The following PTPRM variants were observed in gnomAD, a reference collection of about 807,000 sequenced individuals.
The protein encoded by PTPRM is receptor-type tyrosine-protein phosphatase mu.
Under a neutral mutation model 186.7 loss-of-function variants are expected in PTPRM, and 47 were observed. The ratio of observed to expected loss-of-function variants is 0.25; its 90% CI spans 0.20 to 0.32. The LOEUF is 0.32. PTPRM is among the 10% of genes least tolerant of loss of function. The pLI, the probability that PTPRM is intolerant of heterozygous loss-of-function variation, is 1.00. For synonymous variants in PTPRM, 668 were observed against 674.9 expected (o/e 0.99, Z 0.16); for missense variants, 1,494 against 1,865.0 (o/e 0.80, Z 3.66).
Position 8,126,020 on chromosome 18 carries a change from TA to T in PTPRM, c.2167+11194del, listed in dbSNP as rs1386255677. Among the ~76,000 whole-genome samples, 390 of 41,796 alleles carry T rather than the reference TA, an allele frequency of 9.3e-3. 32 individuals carry two copies. The East Asian group carries it at 0.1, about 11-fold the overall frequency. The allele number at this position is 41,796 out of a possible 152,430, so 27.4% of individuals were successfully genotyped here. A position where few individuals can be genotyped will look rare whatever the true frequency, so the allele number is the denominator to read the frequency against. The stretch of plus-strand genomic sequence containing the variant: ...ATATATATATATATATATATATATA[TA>T]TATATATTTTAAATCAGTAGACCTT... On this transcript the variant is annotated intron_variant, in intron 13 of 32. Coordinates refer to ENST00000580170, the MANE Select transcript of PTPRM (RefSeq NM_001105244.2).
chr18:7,893,402 A>G (rs2049179117), intron 3 of PTPRM, among the ~76,000 whole-genome samples: 1 of 152,180 alleles, frequency 6.6e-6, no homozygotes, highest in South Asian at 2.1e-4. Flanking sequence ...CTCCTTTCCC[A>G]TTCTACTTGT....
chr18:8,150,283 A>T (rs1029453567), intron 14 of PTPRM, among the ~76,000 whole-genome samples: 1 of 152,220 alleles, frequency 6.6e-6, no homozygotes, highest in East Asian at 1.9e-4. Context: ...AGGTACACCA[A>T]TCAGACATAG....
At chr18:7,788,331 C>T (rs4614805) in intron 2 of PTPRM, among the ~76,000 whole-genome samples, 22,848 of 152,054 alleles carry the variant, frequency 0.15, 2,183 homozygotes, top group East Asian at 0.26. Flanking sequence ...TTGTATGAAG[C>T]CACATAACTG....
intron 4 of PTPRM, among the ~76,000 whole-genome samples, chr18:7,906,961 C>T (rs1307317501): frequency 1.3e-5 from 2 of 152,132 alleles, no homozygotes; most frequent in Non-Finnish European, 1.5e-5. Flanking sequence ...TGGCACAGTT[C>T]CTTAGTATTT....
chr18:7,830,058 G>A (rs866688612), intron 2 of PTPRM, among the ~76,000 whole-genome samples: 2 of 152,108 alleles, frequency 1.3e-5, no homozygotes, highest in Non-Finnish European at 2.9e-5. Context: ...TTAAAATCTC[G>A]TTAACCTAAT....
chr18:7,896,575 G>A (rs1300000916), intron 3 of PTPRM, among the ~76,000 whole-genome samples: 3 of 152,188 alleles, frequency 2.0e-5, no homozygotes, highest in Non-Finnish European at 4.4e-5. Context: ...AAGTGGGGCT[G>A]GGGAGGGTGG....
intron 14 of PTPRM, among the ~76,000 whole-genome samples, chr18:8,178,713 G>T (rs1401548552): frequency 6.6e-6 from 1 of 152,080 alleles, no homozygotes; most frequent in African/African-American, 2.4e-5. Context: ...CTAGAACCTG[G>T]GAGGTGGAGG....
Position 7,611,144 on chromosome 18 carries a change from A to G in PTPRM, c.73+43253A>G, listed in dbSNP as rs1029683963. Among the ~76,000 whole-genome samples the G allele has an allele frequency of 3.3e-5, 5 of 152,338 alleles. No individual in the cohort carries two copies. In the East Asian group the frequency reaches 9.6e-4, roughly 29 times the overall value. On this transcript the variant is annotated intron_variant, in intron 1 of 32. Transcript: ENST00000580170. ...AAGAAAATATTTTTGTAAGCTGTAC[A>G]ATGTGTTTGTATTTTAAGCTAAGTA...
chr18:8,004,483 A>G (rs1473853271), intron 7 of PTPRM, among the ~76,000 whole-genome samples: 6 of 151,854 alleles, frequency 4.0e-5, no homozygotes, highest in Non-Finnish European at 5.9e-5. Context: ...AAAAAAGAAA[A>G]TGTTCTAACA....
chr18:7,678,210 A>G (rs2039393155), intron 1 of PTPRM, among the ~76,000 whole-genome samples: 2 of 152,164 alleles, frequency 1.3e-5, no homozygotes. Context: ...GGTTGCCTTG[A>G]GAAAGTGGGT....
intron 1 of PTPRM, among the ~76,000 whole-genome samples, chr18:7,629,222 A>T (rs867588937): frequency 6.6e-6 from 1 of 152,208 alleles, no homozygotes; most frequent in African/African-American, 2.4e-5. Flanking sequence ...ATTCAGGTCA[A>T]TGTAGGGAAG....
At chr18:8,293,053 C>T (rs67741287) in intron 19 of PTPRM, among the ~76,000 whole-genome samples, 44,472 of 151,974 alleles carry the variant, frequency 0.29, 7,208 homozygotes, top group Middle Eastern at 0.38. Context: ...CAGCTCATGT[C>T]CTCTCCTCCA....
chr18:7,667,685 C>T (rs906144458), intron 1 of PTPRM, among the ~76,000 whole-genome samples: 1 of 151,930 alleles, frequency 6.6e-6, no homozygotes, highest in Non-Finnish European at 1.5e-5. Context: ...CTCTTGTTAA[C>T]CTAAAGAGAC....
At chr18:8,142,439 G>T (rs626707) in intron 13 of PTPRM, among the ~76,000 whole-genome samples, 1 of 152,150 alleles carries the variant, frequency 6.6e-6, no homozygotes, top group African/African-American at 2.4e-5. Context: ...CATCATTTAC[G>T]TGTTCCCAAA....
At chr18:8,391,023 T>G (rs778561235) in intron 31 of PTPRM, among the ~76,000 whole-genome samples, 1 of 151,994 alleles carries the variant, frequency 6.6e-6, no homozygotes, top group Non-Finnish European at 1.5e-5. Context: ...ATTATTCATT[T>G]TTAGGCAAAT....
chr18:8,240,788 GAGAGAGAGAGAGAGAGAGAGAGA>G (rs2094422089), intron 14 of PTPRM, among the ~76,000 whole-genome samples: 4 of 75,190 alleles, frequency 5.3e-5, no homozygotes, highest in African/African-American at 9.7e-5. Context: ...GAGAGAGAGA[GAGAGAGAGAGAGAGAGAGAGAGA>G]GAGAGAGAGA....
chr18:8,247,792 T>C lies in PTPRM; in HGVS notation c.2453-53T>C, dbSNP rs1464023563. 3 of 1,337,312 alleles carry C rather than the reference T, an allele frequency of 2.2e-6. No homozygotes were observed. In the African/African-American group the frequency reaches 4.3e-5, roughly 19 times the overall value. The allele number at this position is 1,337,312 out of a possible 1,614,324, so 82.8% of individuals were successfully genotyped here. On this transcript the variant is annotated intron_variant, in intron 15 of 32. Coordinates refer to ENST00000580170, the MANE Select transcript of PTPRM (RefSeq NM_001105244.2). ...TGGGTGGTCTCAGAGCATTGTGTGT[T>C]CAGAGTGTATTACCTCTCTGCTGCC...
intron 4 of PTPRM, among the ~76,000 whole-genome samples, chr18:7,915,222 T>G (rs185150314): frequency 1.3e-5 from 2 of 152,234 alleles, no homozygotes; most frequent in Non-Finnish European, 2.9e-5. Flanking sequence ...ATAGGAGGGT[T>G]GTACTAAGAA....
At chr18:7,952,240 C>T (rs986233887) in intron 6 of PTPRM, among the ~76,000 whole-genome samples, 1 of 152,258 alleles carries the variant, frequency 6.6e-6, no homozygotes, top group Non-Finnish European at 1.5e-5. Context: ...TGTATAAATA[C>T]TGCCATTACT....
Sources: gnomAD v4.1 joint callset for allele counts (sites outside exome capture counted in the v4.1 genomes callset) on GRCh38, gnomAD v4.1.1 for gene constraint, MANE v1.5 for transcripts, NCBI Gene and HGNC (gene_info 2026-07-23, HGNC 2026-07-21) for gene names.